The following SLC4A10 variants were observed in gnomAD, a reference collection of about 807,000 sequenced individuals.
SLC4A10 encodes sodium-driven chloride bicarbonate exchanger.
A neutral mutation model predicts 137.7 loss-of-function variants in SLC4A10; 42 were observed. The ratio of observed to expected loss-of-function variants is 0.30; its 90% CI spans 0.24 to 0.39. The LOEUF is 0.39. SLC4A10 is among the 10% of genes least tolerant of loss of function. The pLI is 1.00. For synonymous variants in SLC4A10, 474 were observed against 464.1 expected (o/e 1.02, Z -0.27); for missense variants, 925 against 1,355.0 (o/e 0.68, Z 4.98).
At chr2:161,828,688 A>C (rs2058193858) in intron 3 of SLC4A10, among the ~76,000 whole-genome samples, 1 of 138,158 alleles carries the variant, frequency 7.2e-6, no homozygotes. Context: ...CAACCTGGCT[A>C]TTGTTTTACT....
chr2:161,907,458 G>T (rs1029540075), intron 15 of SLC4A10, among the ~76,000 whole-genome samples: 4 of 152,160 alleles, frequency 2.6e-5, no homozygotes, highest in African/African-American at 9.7e-5. Context: ...TACATGCCAG[G>T]CACTATACTA....
chr2:161,655,542 C>T (rs2037396363), intron 1 of SLC4A10, among the ~76,000 whole-genome samples: 1 of 152,084 alleles, frequency 6.6e-6, no homozygotes. Context: ...AATTAGTCAC[C>T]AAAAACCTCC....
intron 1 of SLC4A10, among the ~76,000 whole-genome samples, chr2:161,689,370 T>C (rs775195926): frequency 1.3e-5 from 2 of 152,204 alleles, no homozygotes; most frequent in Non-Finnish European, 2.9e-5. Flanking sequence ...TTTTATATCA[T>C]ATTTTTACTG....
chr2:161,719,847 C>T (rs1184900909), intron 1 of SLC4A10, among the ~76,000 whole-genome samples: 1 of 151,780 alleles, frequency 6.6e-6, no homozygotes, highest in Non-Finnish European at 1.5e-5. Context: ...TGTAGGTTGC[C>T]TGTTCACTCT....
intron 1 of SLC4A10, among the ~76,000 whole-genome samples, chr2:161,747,328 T>C (rs1238912857): frequency 6.6e-6 from 1 of 152,170 alleles, no homozygotes; most frequent in Non-Finnish European, 1.5e-5. Flanking sequence ...TGTTTTCTGC[T>C]GTGACAGGGC....
intron 1 of SLC4A10, among the ~76,000 whole-genome samples, chr2:161,759,519 C>T (rs2050022010): frequency 1.3e-5 from 2 of 152,010 alleles, no homozygotes; most frequent in African/African-American, 4.8e-5. Context: ...CAACCTTCTA[C>T]ACTCTGCTTA....
chr2:161,977,835 CA>C, intron 26 of SLC4A10, 75 bp downstream of exon 26: 1 of 1,412,238 alleles, frequency 7.1e-7, no homozygotes, highest in Admixed American at 2.3e-5. Flanking sequence ...GAAACCTGGT[CA>C]GTCTATGTCC....
intron 13 of SLC4A10, 127 bp downstream of exon 13, chr2:161,904,305 A>G: frequency 1.0e-6 from 1 of 986,772 alleles, no homozygotes; most frequent in Non-Finnish European, 1.4e-6. Flanking sequence ...TGGCAGATAC[A>G]CCTTATATGA....
intron 3 of SLC4A10, among the ~76,000 whole-genome samples, chr2:161,837,543 A>G (rs2058894158): frequency 6.6e-6 from 1 of 152,200 alleles, no homozygotes; most frequent in African/African-American, 2.4e-5. Flanking sequence ...GATTTAGTGC[A>G]ATATCAATCA....
intron 1 of SLC4A10, among the ~76,000 whole-genome samples, chr2:161,649,312 G>C (rs575413041): frequency 6.6e-6 from 1 of 152,348 alleles, no homozygotes; most frequent in Non-Finnish European, 1.5e-5. Flanking sequence ...AGTGAGCCGA[G>C]ATTGTGCCAT....
At chr2:161,751,608 A>G (rs951805787) in intron 1 of SLC4A10, among the ~76,000 whole-genome samples, 2 of 151,694 alleles carry the variant, frequency 1.3e-5, no homozygotes, top group Non-Finnish European at 1.5e-5. Flanking sequence ...TATTGAGTAT[A>G]TTTGTGGGAG....
chr2:161,894,727 T>A lies in SLC4A10; in HGVS notation c.1243T>A (p.Ser415Thr). The part of the protein sequence containing the change: ...YKAKDRNDLV[S>T]GIDEFLDQVT... ...AGCTAAAGATCGTAATGACTTGGTA[T>A]CAGGAATTGATGAGTTTCTGGATCA... The change falls in exon 11 of 27, where the codon TCA becomes ACA. Residue 415 changes from serine to threonine, a missense_variant. Physicochemically the swap from Ser to Thr is moderately conservative, Grantham distance 58 (BLOSUM62 1). Transcript: ENST00000446997. 1 of 1,446,396 alleles carries A rather than the reference T, an allele frequency of 6.9e-7. No homozygotes were observed. The highest frequency in any genetic ancestry group is 9.2e-7 in the Non-Finnish European group (1 of 1,089,022). 89.6% of individuals were successfully genotyped at this position (1,446,396 alleles called of 1,614,324 possible).
intron 15 of SLC4A10, among the ~76,000 whole-genome samples, chr2:161,916,311 A>T (rs977323389): frequency 7.2e-5 from 11 of 152,216 alleles, no homozygotes; most frequent in African/African-American, 2.7e-4. Context: ...TCATGGATTT[A>T]TTCTTGTCTA....
intron 3 of SLC4A10, among the ~76,000 whole-genome samples, chr2:161,836,597 A>AAAGG (rs200279129): frequency 6.9e-5 from 2 of 29,164 alleles, no homozygotes; most frequent in Non-Finnish European, 1.7e-4. Flanking sequence ...AGAAAGAAAG[A>AAAGG]AAGGAAGGAA....
intron 2 of SLC4A10, among the ~76,000 whole-genome samples, chr2:161,797,010 G>A (rs1442510412): frequency 6.6e-6 from 1 of 152,082 alleles, no homozygotes; most frequent in African/African-American, 2.4e-5. Flanking sequence ...TGAGATTGGG[G>A]AGGTAAGGAA....
At chr2:161,640,562 G>C (rs1158819499) in intron 1 of SLC4A10, among the ~76,000 whole-genome samples, 4 of 151,824 alleles carry the variant, frequency 2.6e-5, no homozygotes, top group Non-Finnish European at 5.9e-5. Flanking sequence ...TTTGCTATCA[G>C]TATTTCTCTA....
chr2:161,754,211 A>C (rs1315822341), intron 1 of SLC4A10, among the ~76,000 whole-genome samples: 7 of 151,994 alleles, frequency 4.6e-5, no homozygotes. Flanking sequence ...TGACTTCTTG[A>C]GTTGTATTGT....
At chr2:161,696,097 G>A (rs1313356770) in intron 1 of SLC4A10, among the ~76,000 whole-genome samples, 1 of 145,380 alleles carries the variant, frequency 6.9e-6, no homozygotes, top group African/African-American at 2.5e-5. Context: ...CGTGTGTGAT[G>A]TTCCCCTTCC....
intron 4 of SLC4A10, among the ~76,000 whole-genome samples, chr2:161,854,468 G>A (rs910643734): frequency 6.6e-6 from 1 of 152,030 alleles, no homozygotes; most frequent in Non-Finnish European, 1.5e-5. Flanking sequence ...TTTCATCCAA[G>A]CAAGCCTAAC....
Sources: gnomAD v4.1 joint callset for allele counts (sites outside exome capture counted in the v4.1 genomes callset) on GRCh38, gnomAD v4.1.1 for gene constraint, MANE v1.5 for transcripts, NCBI Gene and HGNC (gene_info 2026-07-23, HGNC 2026-07-21) for gene names.